The following GRID1 variants were observed in gnomAD, a reference collection of about 807,000 sequenced individuals.
GRID1 encodes glutamate ionotropic receptor delta type subunit 1, also known as glutamate receptor ionotropic, delta-1.
A neutral mutation model predicts 98.0 loss-of-function variants in GRID1; 28 were observed. The observed-to-expected ratio is 0.29, with a 90% CI of 0.21 to 0.39. The LOEUF (loss-of-function observed/expected upper bound fraction) is 0.39, where lower values mean the gene tolerates loss of function less well. Ranked by LOEUF, GRID1 falls within the 10% of genes least tolerant of loss-of-function variation. GRID1 has a pLI of 1.00. For synonymous variants in GRID1, 553 were observed against 538.5 expected, an observed-to-expected ratio of 1.03 and a Z score of -0.37; for missense variants, 1,111 against 1,340.5, an observed-to-expected ratio of 0.83 and a Z score of 2.67.
At chr10:86,067,980 A>G (rs922098279) in intron 4 of GRID1, among the ~76,000 whole-genome samples, 1 of 152,224 alleles carries the variant, frequency 6.6e-6, no homozygotes, top group Non-Finnish European at 1.5e-5. Flanking sequence ...TCTGCTTCCA[A>G]GGAGTCAGAC....
chr10:85,776,569 C>T (rs1291913097), intron 8 of GRID1, among the ~76,000 whole-genome samples: 1 of 152,122 alleles, frequency 6.6e-6, no homozygotes, highest in Non-Finnish European at 1.5e-5. Flanking sequence ...AGCCAGCAGC[C>T]GAGGGGAGGC....
chr10:86,334,198 G>A (rs891981590), intron 2 of GRID1, among the ~76,000 whole-genome samples: 3 of 152,108 alleles, frequency 2.0e-5, no homozygotes, highest in Non-Finnish European at 4.4e-5. Context: ...AAACTGCTTT[G>A]AAGAGCATAG....
intron 12 of GRID1, among the ~76,000 whole-genome samples, chr10:85,706,869 C>T (rs1258605659): frequency 2.0e-5 from 3 of 152,126 alleles, no homozygotes; most frequent in Admixed American, 6.5e-5. Context: ...GGAAAGGATT[C>T]CCTATTTAAT....
At position 85,600,654 on chromosome 10, in the gene GRID1, G is replaced by C. The variant is rs1169675379; in HGVS notation, c.*1619C>G. The C allele has an allele frequency of 6.6e-6, 1 of 152,214 alleles. No homozygotes were observed. The highest frequency in any genetic ancestry group is 2.4e-5 in the African/African-American group (1 of 41,452). 9.4% of individuals were successfully genotyped at this position (152,214 alleles called of 1,614,324 possible). A position where few individuals can be genotyped will look rare whatever the true frequency, so the allele number is the denominator to read the frequency against. On this transcript the variant is annotated 3_prime_UTR_variant, in exon 16 of 16. Coordinates refer to ENST00000327946, the MANE Select transcript of GRID1 (RefSeq NM_017551.3). Reference sequence around the variant, plus strand: ...TCCATTCTGACGGGTCTGGAGATCAGACTAACCTTTGTCTTTAGGAGAGGA... The same window carrying C: ...TCCATTCTGACGGGTCTGGAGATCACACTAACCTTTGTCTTTAGGAGAGGA...
chr10:86,355,577 G>C (rs1471623955), intron 2 of GRID1, among the ~76,000 whole-genome samples: 2 of 152,158 alleles, frequency 1.3e-5, no homozygotes, highest in Non-Finnish European at 2.9e-5. Flanking sequence ...CCTAGAAACG[G>C]AAGGGGCATC....
chr10:86,099,354 C>T lies in GRID1; in HGVS notation c.726+39465G>A, dbSNP rs1331284723. Among the ~76,000 whole-genome samples the T allele has an allele frequency of 3.9e-5, 6 of 152,278 alleles. No homozygotes were observed. The East Asian group carries it at 1.2e-3, about 29-fold the overall frequency. ...GCAGATGCTGTTGGGGCCAAGCATC[C>T]TGATGAGCACTGGAAATACAGAGAC... On this transcript the variant is annotated intron_variant, in intron 4 of 15. Coordinates refer to ENST00000327946, the MANE Select transcript of GRID1 (RefSeq NM_017551.3).
intron 4 of GRID1, among the ~76,000 whole-genome samples, chr10:85,955,036 T>G (rs995037550): frequency 6.6e-6 from 1 of 152,128 alleles, no homozygotes; most frequent in Non-Finnish European, 1.5e-5. Flanking sequence ...ACAAAAAACA[T>G]GCCATTGACT....
chr10:85,963,269 T>C (rs896434195), intron 4 of GRID1, among the ~76,000 whole-genome samples: 1 of 152,142 alleles, frequency 6.6e-6, no homozygotes, highest in Non-Finnish European at 1.5e-5. Flanking sequence ...TCCCATGGAT[T>C]CTACTACTGA....
At chr10:85,862,901 A>T (rs536760365) in intron 6 of GRID1, among the ~76,000 whole-genome samples, 13 of 152,290 alleles carry the variant, frequency 8.5e-5, no homozygotes, top group African/African-American at 3.1e-4. Context: ...AGGGCAGGGA[A>T]GCAAGCAAGA....
chr10:85,826,789 C>T (rs1842824246), intron 8 of GRID1, among the ~76,000 whole-genome samples: 1 of 152,160 alleles, frequency 6.6e-6, no homozygotes. Context: ...TTCCTAACTT[C>T]AAGGGGCCAG....
intron 8 of GRID1, among the ~76,000 whole-genome samples, chr10:85,846,669 A>C (rs1843009783): frequency 6.6e-6 from 1 of 152,220 alleles, no homozygotes; most frequent in Non-Finnish European, 1.5e-5. Context: ...ATCAAAAAAT[A>C]AAGCAAGACA....
intron 8 of GRID1, among the ~76,000 whole-genome samples, chr10:85,730,878 C>T (rs1198475611): frequency 6.6e-6 from 1 of 152,170 alleles, no homozygotes; most frequent in Non-Finnish European, 1.5e-5. Flanking sequence ...TGCTGCTAAT[C>T]CATGGACCAC....
chr10:86,026,132 T>C lies in GRID1; in HGVS notation c.727-109893A>G, dbSNP rs149035579. Among the ~76,000 whole-genome samples the C allele has an allele frequency of 3.5e-3, 526 of 152,370 alleles. 5 individuals carry two copies. The highest frequency in any genetic ancestry group is 0.012 in the African/African-American group (498 of 41,582). On this transcript the variant is annotated intron_variant, in intron 4 of 15. Coordinates refer to ENST00000327946, the MANE Select transcript of GRID1 (RefSeq NM_017551.3). Reference sequence around the variant, plus strand: ...GATAATTCGCTCCAACTAACATATGTGCAACATCTATATTATTGCATAATT... The same window carrying C: ...GATAATTCGCTCCAACTAACATATGCGCAACATCTATATTATTGCATAATT...
chr10:85,784,277 T>C (rs1344896895), intron 8 of GRID1, among the ~76,000 whole-genome samples: 1 of 152,242 alleles, frequency 6.6e-6, no homozygotes, highest in Non-Finnish European at 1.5e-5. Context: ...TGCTCATCTC[T>C]GAGGCTCTGA....
At chr10:86,234,830 G>A (rs1444126645) in intron 2 of GRID1, among the ~76,000 whole-genome samples, 2 of 152,102 alleles carry the variant, frequency 1.3e-5, no homozygotes, top group East Asian at 1.9e-4. Context: ...GCATACTGGC[G>A]ACACAGGGAG....
chr10:86,293,064 CAGCCCAGAG>C lies in GRID1; in HGVS notation c.235+70868_235+70876del, dbSNP rs148979026. On this transcript the variant is annotated intron_variant, in intron 2 of 15. Transcript: ENST00000327946. Reference sequence around the variant, plus strand: ...TCACTCCTGAGCCTGGCACCATGCCCAGCCCAGAGCTGTGTCCTGTGCCCTAGCTGTGCC... The same window carrying C: ...TCACTCCTGAGCCTGGCACCATGCCCCTGTGTCCTGTGCCCTAGCTGTGCC... Among the ~76,000 whole-genome samples, 331 of 152,326 alleles carry C rather than the reference CAGCCCAGAG, an allele frequency of 2.2e-3. 2 individuals are homozygous for C. The highest frequency in any genetic ancestry group is 3.6e-3 in the Admixed American group (55 of 15,302).
intron 4 of GRID1, among the ~76,000 whole-genome samples, chr10:85,997,804 A>C (rs1411232730): frequency 6.6e-6 from 1 of 152,240 alleles, no homozygotes; most frequent in Admixed American, 6.5e-5. Context: ...AAGCAAACCA[A>C]TTACATGTTG....
chr10:86,004,889 T>C (rs1439497091), intron 4 of GRID1, among the ~76,000 whole-genome samples: 1 of 152,124 alleles, frequency 6.6e-6, no homozygotes, highest in Non-Finnish European at 1.5e-5. Flanking sequence ...TCTGGAATCT[T>C]GAGACAAGAA....
chr10:85,915,501 A>ACATG (rs968712095), intron 5 of GRID1, among the ~76,000 whole-genome samples: 7 of 151,284 alleles, frequency 4.6e-5, no homozygotes, highest in Non-Finnish European at 4.4e-5. Flanking sequence ...ATACATTTAT[A>ACATG]CATGCACACA....
Sources: gnomAD v4.1 joint callset for allele counts (sites outside exome capture counted in the v4.1 genomes callset) on GRCh38, gnomAD v4.1.1 for gene constraint, MANE v1.5 for transcripts, NCBI Gene and HGNC (gene_info 2026-07-23, HGNC 2026-07-21) for gene names.